Variants in RNF32 observed in about 807,000 individuals in gnomAD.
The protein encoded by RNF32 is ring finger protein 32.
RNF32 carries 36 observed loss-of-function variants against 41.0 expected under a neutral mutation model. The observed-to-expected ratio is 0.88, with a 90% confidence interval of 0.67 to 1.16. The LOEUF (loss-of-function observed/expected upper bound fraction) is 1.16. Ranked by LOEUF, RNF32 falls within the 50% of genes most tolerant of loss-of-function variation. RNF32 has a pLI of 0.00. For synonymous variants in RNF32, 154 were observed against 160.9 expected (o/e 0.96, Z 0.32); for missense variants, 413 against 436.7 (o/e 0.95, Z 0.48).
At chr7:156,668,888 A>C (rs1801820647) in intron 7 of RNF32, 1 of 152,254 alleles carries the variant, frequency 6.6e-6, no homozygotes, top group Admixed American at 6.5e-5. Flanking sequence ...TATTTACTTT[A>C]GATTGATTAA....
At chr7:156,665,868 T>C (rs1434327498) in intron 7 of RNF32, among the ~76,000 whole-genome samples, 1 of 152,238 alleles carries the variant, frequency 6.6e-6, no homozygotes, top group African/African-American at 2.4e-5. Flanking sequence ...TCAGAATCAT[T>C]GTGTAAAAGA....
chr7:156,658,343 T>G lies in RNF32; in HGVS notation c.575+91T>G, dbSNP rs545893438. On this transcript the variant is annotated intron_variant, in intron 6 of 8. Transcript: ENST00000317955. ...TTTGAATAGTGGGATTTTATCTCTC[T>G]TCTTGGCCACCATAATTTCCCCAGG... 2.4e-5 allele frequency: 37 copies of G among 1,573,540 alleles called. No homozygotes were observed. The South Asian group carries it at 3.9e-4, about 17-fold the overall frequency.
At chr7:156,668,653 C>T (rs1310714753) in intron 7 of RNF32, among the ~76,000 whole-genome samples, 8 of 152,350 alleles carry the variant, frequency 5.3e-5, no homozygotes, top group Non-Finnish European at 1.0e-4. Flanking sequence ...CCGTGTCTCC[C>T]GGAGTCCAGT....
intron 7 of RNF32, chr7:156,660,299 A>G: frequency 1.0e-6 from 1 of 983,474 alleles, no homozygotes; most frequent in Non-Finnish European, 1.2e-6. Context: ...TTGTATGTTT[A>G]AACAACACCA....
At chr7:156,648,032 T>G (rs1201245829) in intron 3 of RNF32, among the ~76,000 whole-genome samples, 6 of 151,740 alleles carry the variant, frequency 4.0e-5, no homozygotes, top group Admixed American at 2.0e-4. Flanking sequence ...ATTATTTGTT[T>G]TTTTTTTTTC....
Position 156,676,633 on chromosome 7 carries a change from A to G in RNF32, c.1067A>G (p.Gln356Arg), listed in dbSNP as rs780957677. The G allele has an allele frequency of 6.2e-7, 1 of 1,613,706 alleles. No homozygotes were observed. The highest frequency in any genetic ancestry group is 1.7e-5 in the Admixed American group (1 of 60,024). The change falls in exon 9 of 9, where the codon CAG (glutamine) becomes CGG (arginine). Residue 356 changes from glutamine to arginine, a missense_variant. By Grantham distance (43) the Gln-to-Arg change is conservative. Coordinates refer to ENST00000317955, the MANE Select transcript of RNF32 (RefSeq NM_030936.4). ...TGTCCTCTCTGCCGCTCCTGCTACC[A>G]GAAGAAGATTCTTGAATGTTGAATT... ...HACPLCRSCY[Q>R]KKILEC is the part of the protein sequence containing the mutation.
At chr7:156,671,290 T>C (rs944534357) in intron 7 of RNF32, among the ~76,000 whole-genome samples, 19 of 152,304 alleles carry the variant, frequency 1.2e-4, no homozygotes, top group Non-Finnish European at 1.9e-4. Context: ...TCAGATTATG[T>C]ATGTGTTACT....
intron 3 of RNF32, chr7:156,646,537 A>C: frequency 7.8e-7 from 1 of 1,287,290 alleles, no homozygotes; most frequent in Non-Finnish European, 1.0e-6. Flanking sequence ...ATTTCCAAAT[A>C]AGGTCAACAT....
In RNF32 at chr7:156,644,577, C is replaced by A; in HGVS notation, c.94C>A (p.Arg32=). ...TCACATTTTACATGATCTTCAACTT[C>A]GAAATCTTTCAGTTGCAGATCATTC... The part of the protein sequence containing the change: ...QDHILHDLQL[R]NLSVADHSKT... The change falls in exon 3 of 9, where the codon CGA becomes AGA. Residue 32 remains arginine, a synonymous_variant. Coordinates refer to ENST00000317955, the MANE Select transcript of RNF32 (RefSeq NM_030936.4). The A allele has an allele frequency of 6.2e-7, 1 of 1,612,212 alleles. No homozygotes were observed. The highest frequency in any genetic ancestry group is 8.5e-7 in the Non-Finnish European group (1 of 1,178,604).
intron 3 of RNF32, among the ~76,000 whole-genome samples, chr7:156,649,918 T>G (rs1464828149): frequency 1.3e-5 from 2 of 152,244 alleles, no homozygotes; most frequent in Non-Finnish European, 2.9e-5. Context: ...ACCAAATAAG[T>G]TGGGCAGTGT....
In RNF32 at chr7:156,675,725, C is replaced by G. The variant is rs1256893031; in HGVS notation, c.714C>G (p.Cys238Trp). The G allele has an allele frequency of 6.2e-7, 1 of 1,613,908 alleles. No individual in the cohort carries two copies. The highest frequency in any genetic ancestry group is 1.1e-5 in the South Asian group (1 of 91,062). ...CAGAAATCAGCCACCGCATCCTGTG[C>G]TCATACAACACCAACATTGAAGAGC... is the stretch of plus-strand genomic sequence containing the variant. ...KFTEISHRILCSYNTNIEELF... is the reference protein window; with the variant it reads ...KFTEISHRILWSYNTNIEELF... Residue 238 changes from cysteine (C) to tryptophan (W), a missense_variant, in exon 8 of 9, where the codon TGC becomes TGG. Cys to Trp is a radical substitution (Grantham distance 215). Transcript: ENST00000317955.
intron 7 of RNF32, among the ~76,000 whole-genome samples, chr7:156,665,300 ATG>A (rs1801196971): frequency 2.0e-5 from 3 of 152,228 alleles, no homozygotes; most frequent in South Asian, 4.1e-4. Context: ...TCTGCGTAGT[ATG>A]GGAAGCCACC....
intron 1 of RNF32, among the ~76,000 whole-genome samples, chr7:156,641,756 G>C (rs1797356956): frequency 6.6e-6 from 1 of 152,196 alleles, no homozygotes; most frequent in Non-Finnish European, 1.5e-5. Flanking sequence ...CAGGTTATAG[G>C]CATTTTGGAA....
chr7:156,640,586 G>A, upstream of RNF32: 1 of 410,768 alleles, frequency 2.4e-6, no homozygotes, highest in Non-Finnish European at 4.8e-6. Flanking sequence ...GCGAGCATGC[G>A]CAGTGTGGTG....
chr7:156,654,503 G>A (rs1799296914), intron 3 of RNF32, 73 bp from the exon 4 acceptor site: 1 of 1,299,856 alleles, frequency 7.7e-7, no homozygotes, highest in Non-Finnish European at 1.1e-6. Flanking sequence ...TGCAAATGGT[G>A]TCATTAAAGT....
Position 156,657,563 on chromosome 7 carries a change from T to C in RNF32, c.440T>C (p.Val147Ala). Residue 147 changes from valine (V) to alanine (A), a missense_variant, in exon 5 of 9, where the codon GTG (valine) becomes GCG (alanine). By Grantham distance (64) the Val-to-Ala change is moderately conservative. Transcript: ENST00000317955. ...CAGGTGCTGCTTTCATGCTCCCATG[T>C]GTTCCACAAAGTAAGTCCACCCCTC... ...RPQVLLSCSHVFHKACLQAFE... is the reference protein window; with the variant it reads ...RPQVLLSCSHAFHKACLQAFE... 6.2e-7 allele frequency: 1 copy of C among 1,614,234 alleles called. No individual in the cohort carries two copies. Among genetic ancestry groups the C allele is most frequent in the Non-Finnish European group, 8.5e-7 (1 of 1,180,032 alleles).
Position 156,644,651 on chromosome 7 carries a change from A to G in RNF32, c.168A>G (p.Thr56=). 6.2e-7 allele frequency: 1 copy of G among 1,613,036 alleles called. No homozygotes were observed. Among genetic ancestry groups the G allele is most frequent in the Non-Finnish European group, 8.5e-7 (1 of 1,179,044 alleles). Residue 56 remains threonine (T), a synonymous_variant, in exon 3 of 9, where the codon ACA becomes ACG. Coordinates refer to ENST00000317955, the MANE Select transcript of RNF32 (RefSeq NM_030936.4). ...AGAACAAATCTCTAAAAAGAGATAC[A>G]AAGGCAATAATAGATACTGGACTTA... is the stretch of plus-strand genomic sequence containing the variant. ...KKENKSLKRD[T]KAIIDTGLKK...
intron 4 of RNF32, among the ~76,000 whole-genome samples, chr7:156,655,237 G>GCA (rs1309759967): frequency 6.8e-6 from 1 of 148,062 alleles, no homozygotes; most frequent in Non-Finnish European, 1.5e-5. Flanking sequence ...ATACACGCGC[G>GCA]CGCACACACA....
At chr7:156,674,757 T>C (rs567998648) in intron 7 of RNF32, among the ~76,000 whole-genome samples, 1 of 152,350 alleles carries the variant, frequency 6.6e-6, no homozygotes, top group South Asian at 2.1e-4. Context: ...TTGGATCTGT[T>C]GGGTCAGATA....
Sources: allele counts gnomAD v4.1 joint callset (sites outside exome capture counted in the v4.1 genomes callset), GRCh38; gene constraint gnomAD v4.1.1; transcripts MANE v1.5; gene names NCBI Gene and HGNC (gene_info 2026-07-23, HGNC 2026-07-21).